Variants in WDPCP observed in about 807,000 individuals in gnomAD.
WDPCP encodes the protein WD repeat-containing and planar cell polarity effector protein fritz homolog.
In WDPCP, 71 loss-of-function variants were observed where a neutral mutation model predicts 93.1. The observed-to-expected ratio is 0.76, with a 90% CI of 0.63 to 0.93. The LOEUF (loss-of-function observed/expected upper bound fraction) is 0.93, where lower values mean the gene tolerates loss of function less well. WDPCP is among the 40% of genes least tolerant of loss of function. WDPCP has a pLI of 0.00. For missense variants in WDPCP, 844 were observed against 887.4 expected (o/e 0.95, Z 0.62); for synonymous variants, 315 against 315.0 (o/e 1.00, Z 0.00).
chr2:63,695,689 T>G (rs1575749636), intron 2 of WDPCP, among the ~76,000 whole-genome samples: 1 of 152,124 alleles, frequency 6.6e-6, no homozygotes, highest in South Asian at 2.1e-4. Context: ...GTATAGTTCA[T>G]TGAACTTTCA....
At chr2:63,581,543 A>G (rs1224414393) in intron 1 of WDPCP, among the ~76,000 whole-genome samples, 1 of 152,210 alleles carries the variant, frequency 6.6e-6, no homozygotes, top group Non-Finnish European at 1.5e-5. Context: ...TAGAGTACAC[A>G]GAAAAGTCTT....
chr2:63,566,654 T>G (rs1399599680), intron 1 of WDPCP, among the ~76,000 whole-genome samples: 1 of 152,186 alleles, frequency 6.6e-6, no homozygotes, highest in Non-Finnish European at 1.5e-5. Flanking sequence ...CACCAAGCAA[T>G]TCTCCAATTC....
At chr2:63,576,304 T>C (rs1708111476) in intron 1 of WDPCP, among the ~76,000 whole-genome samples, 3 of 152,120 alleles carry the variant, frequency 2.0e-5, no homozygotes, top group Non-Finnish European at 4.4e-5. Context: ...CAACTGGCTA[T>C]ATATCAGGGT....
At chr2:63,209,375 C>A (rs1676590519) in intron 14 of WDPCP, among the ~76,000 whole-genome samples, 1 of 152,098 alleles carries the variant, frequency 6.6e-6, no homozygotes, top group African/African-American at 2.4e-5. Flanking sequence ...ATTAAATGAC[C>A]AAGCTTTAGG....
chr2:63,756,139 G>A (rs114139242), intron 2 of WDPCP, among the ~76,000 whole-genome samples: 1 of 152,210 alleles, frequency 6.6e-6, no homozygotes, highest in Non-Finnish European at 1.5e-5. Flanking sequence ...TTCTGCATCA[G>A]TGAACTGGAA....
chr2:63,336,740 AATATAC>A (rs887967635), intron 12 of WDPCP, among the ~76,000 whole-genome samples: 5 of 151,758 alleles, frequency 3.3e-5, no homozygotes, highest in African/African-American at 1.2e-4. Flanking sequence ...TTTTAGGTAA[AATATAC>A]ATATAAAGTT....
chr2:63,147,363 T>C (rs1406160607), intron 17 of WDPCP, among the ~76,000 whole-genome samples: 1 of 152,114 alleles, frequency 6.6e-6, no homozygotes, highest in Non-Finnish European at 1.5e-5. Context: ...TTCCAATGGT[T>C]ATAGGGCTAG....
intron 14 of WDPCP, among the ~76,000 whole-genome samples, chr2:63,244,814 T>C (rs1277709806): frequency 6.6e-6 from 1 of 152,136 alleles, no homozygotes; most frequent in Non-Finnish European, 1.5e-5. Flanking sequence ...TATTCCCATT[T>C]TCACTTATTT....
intron 15 of WDPCP, among the ~76,000 whole-genome samples, chr2:63,158,962 C>T (rs936604639): frequency 2.1e-4 from 25 of 119,384 alleles, no homozygotes; most frequent in African/African-American, 7.7e-4. Context: ...CATGGTAAAA[C>T]CTCATCTCTA....
upstream of WDPCP, among the ~76,000 whole-genome samples, chr2:63,591,777 C>A (rs186322769): frequency 1.6e-4 from 24 of 152,238 alleles, no homozygotes; most frequent in Admixed American, 3.3e-4. Flanking sequence ...AATAGAAAAC[C>A]ACAGGCTATT....
At chr2:63,835,067 A>T in the WDPCP span, among the ~76,000 whole-genome samples, 35 of 150,064 alleles carry the variant, frequency 2.3e-4, no homozygotes, top group African/African-American at 4.1e-4. Context: ...ACTGAAATTT[A>T]AAAAAAAAAT....
intron 13 of WDPCP, among the ~76,000 whole-genome samples, chr2:63,293,881 G>C (rs1056217588): frequency 6.6e-6 from 1 of 152,130 alleles, no homozygotes; most frequent in Non-Finnish European, 1.5e-5. Flanking sequence ...ATACCATCAA[G>C]CTGATCAACA....
intron 12 of WDPCP, among the ~76,000 whole-genome samples, chr2:63,338,555 AAAAAAAAAAAAAAAAT>A (rs1688571668): frequency 1.6e-4 from 2 of 12,800 alleles, no homozygotes; most frequent in African/African-American, 1.6e-3. Flanking sequence ...TCCATCTAAA[AAAAAAAAAAAAAAAAT>A]ATATATATAT....
intron 14 of WDPCP, among the ~76,000 whole-genome samples, chr2:63,221,366 G>A (rs1431363670): frequency 6.6e-6 from 1 of 152,208 alleles, no homozygotes; most frequent in African/African-American, 2.4e-5. Flanking sequence ...GGAATAGGCT[G>A]TGGGGAAGTT....
chr2:63,293,388 T>C (rs1365507993), intron 13 of WDPCP, among the ~76,000 whole-genome samples: 2 of 151,994 alleles, frequency 1.3e-5, no homozygotes, highest in Admixed American at 1.3e-4. Context: ...AAAACGGTAA[T>C]AAAAAACAGC....
At chr2:63,441,491 C>T (rs1697500261) in intron 6 of WDPCP, 1 of 151,950 alleles carries the variant, frequency 6.6e-6, no homozygotes, top group Admixed American at 6.6e-5. Flanking sequence ...ACTTCTTTTC[C>T]TAATTACTCA....
intron 17 of WDPCP, among the ~76,000 whole-genome samples, chr2:63,147,706 T>G (rs1301726215): frequency 6.6e-6 from 1 of 152,008 alleles, no homozygotes; most frequent in African/African-American, 2.4e-5. Flanking sequence ...CGGTGGCTTA[T>G]GCCTGTAATC....
intron 13 of WDPCP, among the ~76,000 whole-genome samples, chr2:63,308,285 G>A (rs1685902868): frequency 6.6e-6 from 1 of 152,128 alleles, no homozygotes; most frequent in Non-Finnish European, 1.5e-5. Flanking sequence ...ACGTTTTAAC[G>A]CTGTTGGTGA....
intron 6 of WDPCP, 45 bp from the exon 7 acceptor site, chr2:63,439,916 G>A: frequency 1.4e-6 from 2 of 1,465,164 alleles, no homozygotes; most frequent in Non-Finnish European, 1.9e-6. Context: ...GACATGCTGT[G>A]ATTTAGAATC....
Sources: gnomAD v4.1 joint callset for allele counts (sites outside exome capture counted in the v4.1 genomes callset) on GRCh38, gnomAD v4.1.1 for gene constraint, MANE v1.5 for transcripts, NCBI Gene and HGNC (gene_info 2026-07-23, HGNC 2026-07-21) for gene names.